The following LRMDA variants were observed in gnomAD, a reference collection of about 807,000 sequenced individuals.
LRMDA encodes the protein leucine-rich melanocyte differentiation-associated protein.
Under a neutral mutation model 29.8 loss-of-function variants are expected in LRMDA, and 18 were observed. That is an observed-to-expected ratio of 0.60 (90% CI 0.42 to 0.90). The LOEUF is 0.90. Among genes scored for constraint, LRMDA ranks in the 40% least tolerant of loss-of-function variants. The pLI is 0.00. For missense variants in LRMDA, 273 were observed against 273.9 expected (o/e 1.00, Z 0.02); for synonymous variants, 125 against 109.4 (o/e 1.14, Z -0.89).
At chr10:76,365,420 G>C (rs896189751) in intron 6 of LRMDA, among the ~76,000 whole-genome samples, 2 of 151,804 alleles carry the variant, frequency 1.3e-5, no homozygotes, top group Non-Finnish European at 2.9e-5. Flanking sequence ...ACTGTTTTTT[G>C]ATTTTTTTAT....
At chr10:75,822,289 A>G (rs1207452667) in intron 2 of LRMDA, among the ~76,000 whole-genome samples, 3 of 152,204 alleles carry the variant, frequency 2.0e-5, no homozygotes, top group African/African-American at 7.2e-5. Context: ...AGAGAAGTAC[A>G]AAACACTGAA....
At chr10:76,232,801 G>C (rs1427970775) in intron 5 of LRMDA, among the ~76,000 whole-genome samples, 1 of 152,180 alleles carries the variant, frequency 6.6e-6, no homozygotes, top group East Asian at 1.9e-4. Context: ...GGGACACAGG[G>C]GTGGTCCCCC....
At chr10:75,945,342 T>C (rs1247653461) in intron 2 of LRMDA, among the ~76,000 whole-genome samples, 3 of 152,238 alleles carry the variant, frequency 2.0e-5, no homozygotes, top group Admixed American at 6.5e-5. Flanking sequence ...GATTTAGTTG[T>C]AGGATTTTGC....
intron 6 of LRMDA, among the ~76,000 whole-genome samples, chr10:76,516,437 G>A (rs1359797427): frequency 1.3e-5 from 2 of 152,040 alleles, no homozygotes; most frequent in Admixed American, 1.3e-4. Flanking sequence ...TTGGTGTGCT[G>A]CACCCATTAA....
chr10:76,097,566 G>A (rs566796417), intron 5 of LRMDA, among the ~76,000 whole-genome samples: 69 of 152,250 alleles, frequency 4.5e-4, no homozygotes, highest in Non-Finnish European at 9.1e-4. Flanking sequence ...TTTTGCAAAC[G>A]TCCTCTATCA....
intron 2 of LRMDA, among the ~76,000 whole-genome samples, chr10:75,439,236 A>G (rs933252578): frequency 6.6e-6 from 1 of 152,174 alleles, no homozygotes; most frequent in South Asian, 2.1e-4. Context: ...GTGGGATAAG[A>G]GCAGGGGTCA....
At chr10:76,257,511 T>C (rs1170475969) in intron 5 of LRMDA, among the ~76,000 whole-genome samples, 1 of 152,012 alleles carries the variant, frequency 6.6e-6, no homozygotes, top group African/African-American at 2.4e-5. Context: ...TTTTTGTATT[T>C]TTAGTAGAGA....
At chr10:76,362,531 A>G (rs532588039) in intron 6 of LRMDA, among the ~76,000 whole-genome samples, 52 of 152,354 alleles carry the variant, frequency 3.4e-4, no homozygotes, top group African/African-American at 1.2e-3. Flanking sequence ...AACATTCACT[A>G]TGGAGACAAA....
intron 2 of LRMDA, among the ~76,000 whole-genome samples, chr10:75,596,161 A>G (rs1052244912): frequency 7.2e-5 from 11 of 152,228 alleles, no homozygotes; most frequent in Admixed American, 3.3e-4. Flanking sequence ...ATACTTTCCA[A>G]GGTAGATATG....
intron 2 of LRMDA, among the ~76,000 whole-genome samples, chr10:75,994,860 A>C (rs1414072877): frequency 6.6e-6 from 1 of 152,238 alleles, no homozygotes; most frequent in African/African-American, 2.4e-5. Context: ...GCATTTTGAC[A>C]GTACAATAAC....
At chr10:76,093,972 A>C (rs1226770852) in intron 5 of LRMDA, among the ~76,000 whole-genome samples, 1 of 152,130 alleles carries the variant, frequency 6.6e-6, no homozygotes, top group Non-Finnish European at 1.5e-5. Context: ...TATCCGCCAA[A>C]ATGCTCAGAG....
At chr10:76,552,374 C>T (rs1468368975) in intron 6 of LRMDA, among the ~76,000 whole-genome samples, 1 of 152,188 alleles carries the variant, frequency 6.6e-6, no homozygotes, top group Non-Finnish European at 1.5e-5. Flanking sequence ...AATGAAAACC[C>T]TTTCCTCAAG....
chr10:75,599,830 G>A (rs1840858445), intron 2 of LRMDA, among the ~76,000 whole-genome samples: 1 of 152,186 alleles, frequency 6.6e-6, no homozygotes, highest in South Asian at 2.1e-4. Flanking sequence ...CCATAATGGG[G>A]AGAGCAGGAC....
intron 6 of LRMDA, among the ~76,000 whole-genome samples, chr10:76,530,713 T>C (rs192109761): frequency 6.6e-6 from 1 of 152,308 alleles, no homozygotes; most frequent in African/African-American, 2.4e-5. Context: ...AGAAGCTTTG[T>C]CTTTATAACT....
At chr10:76,156,697 C>T (rs1850544074) in intron 5 of LRMDA, among the ~76,000 whole-genome samples, 1 of 152,172 alleles carries the variant, frequency 6.6e-6, no homozygotes, top group African/African-American at 2.4e-5. Context: ...ATAGCATTGA[C>T]ATGTCATAGA....
intron 2 of LRMDA, among the ~76,000 whole-genome samples, chr10:75,692,127 T>C (rs1207958521): frequency 6.7e-6 from 1 of 150,294 alleles, no homozygotes; most frequent in Non-Finnish European, 1.5e-5. Context: ...GCTTGAGCCC[T>C]GGAGTTCAAG....
At chr10:76,230,317 C>A (rs933415905) in intron 5 of LRMDA, among the ~76,000 whole-genome samples, 1 of 152,102 alleles carries the variant, frequency 6.6e-6, no homozygotes, top group Non-Finnish European at 1.5e-5. Flanking sequence ...AATACAGCAT[C>A]CTTCATATCT....
At chr10:75,688,096 T>C (rs2132158124) in intron 2 of LRMDA, among the ~76,000 whole-genome samples, 1 of 152,358 alleles carries the variant, frequency 6.6e-6, no homozygotes, top group South Asian at 2.1e-4. Flanking sequence ...TCATGCCTGC[T>C]AACACAACAA....
chr10:75,504,511 A>G (rs898993343), intron 2 of LRMDA, among the ~76,000 whole-genome samples: 3 of 152,212 alleles, frequency 2.0e-5, no homozygotes, highest in Admixed American at 6.5e-5. Flanking sequence ...AGGTTTGGCC[A>G]GTAACAAATG....
Sources: allele counts gnomAD v4.1 joint callset (sites outside exome capture counted in the v4.1 genomes callset), GRCh38; gene constraint gnomAD v4.1.1; transcripts MANE v1.5; gene names NCBI Gene and HGNC (gene_info 2026-07-23, HGNC 2026-07-21).